LPGAT1: variants seen among roughly 807,000 people sequenced by gnomAD.
LPGAT1 encodes lysophosphatidylglycerol acyltransferase 1, also known as acyl-CoA:lysophosphatidylglycerol acyltransferase 1.
A neutral mutation model predicts 47.5 loss-of-function variants in LPGAT1; 11 were observed. The observed-to-expected ratio is 0.23, with a 90% CI of 0.15 to 0.38. The LOEUF (loss-of-function observed/expected upper bound fraction) is 0.38. LPGAT1 is among the 10% of genes least tolerant of loss of function. The probability of loss-of-function intolerance (pLI) is 1.00; values close to 1 mark genes in which losing one functional copy is unlikely to be tolerated. For missense variants in LPGAT1, 293 were observed against 439.0 expected (o/e 0.67, Z 2.97); for synonymous variants, 138 against 144.2 (o/e 0.96, Z 0.31).
At chr1:211,751,523 G>T (rs111775103) in intron 6 of LPGAT1, among the ~76,000 whole-genome samples, 2 of 152,076 alleles carry the variant, frequency 1.3e-5, no homozygotes, top group African/African-American at 4.8e-5. Context: ...TGCCCAAATC[G>T]GTAATATCAG....
Position 211,787,729 on chromosome 1 carries a change from T to C in LPGAT1, c.358-2A>G. The C allele has an allele frequency of 6.4e-7, 1 of 1,565,264 alleles. No homozygotes were observed. Among genetic ancestry groups the C allele is most frequent in the South Asian group, 1.1e-5 (1 of 87,180 alleles). ...CAACCACATCATCTGAGCAACAACC[T>C]AAAATATTTAAAAGCAAGAAATAAT... is the stretch of plus-strand genomic sequence containing the variant. On this transcript the variant is annotated splice_acceptor_variant, in intron 3 of 7. Transcript: ENST00000366997. LOFTEE classifies it high-confidence loss of function.
intron 6 of LPGAT1, among the ~76,000 whole-genome samples, chr1:211,754,857 T>TA (rs1372897656): frequency 1.3e-5 from 2 of 150,564 alleles, no homozygotes; most frequent in Admixed American, 6.6e-5. Context: ...CTACTAAAAA[T>TA]AAAAAAAATT....
intron 5 of LPGAT1, among the ~76,000 whole-genome samples, chr1:211,781,169 T>A (rs929819237): frequency 6.6e-6 from 1 of 152,242 alleles, no homozygotes; most frequent in African/African-American, 2.4e-5. Flanking sequence ...AGTACACTTA[T>A]AATTTTTCTT....
intron 6 of LPGAT1, among the ~76,000 whole-genome samples, chr1:211,762,268 G>A (rs188478645): frequency 2.4e-4 from 36 of 152,290 alleles, no homozygotes; most frequent in Admixed American, 1.7e-3. Flanking sequence ...GAATTAAACC[G>A]AGGAAGTTTG....
At chr1:211,796,558 A>T (rs1659360628) in intron 2 of LPGAT1, among the ~76,000 whole-genome samples, 1 of 152,206 alleles carries the variant, frequency 6.6e-6, no homozygotes, top group Non-Finnish European at 1.5e-5. Context: ...AAGACTTCTA[A>T]CTTCCAGAAC....
intron 1 of LPGAT1, chr1:211,829,592 A>C: frequency 8.1e-7 from 1 of 1,239,214 alleles, no homozygotes; most frequent in Non-Finnish European, 1.0e-6. Context: ...CCATTCAGTA[A>C]TCGGTGGCCG....
chr1:211,792,998 C>A, intron 3 of LPGAT1, 74 bp downstream of exon 3: 4 of 1,006,964 alleles, frequency 4.0e-6, no homozygotes, highest in Non-Finnish European at 5.9e-6. Context: ...ACATGAGCCA[C>A]CATGCCCGGC....
chr1:211,764,500 A>G (rs1446593209), intron 6 of LPGAT1, among the ~76,000 whole-genome samples: 1 of 152,226 alleles, frequency 6.6e-6, no homozygotes, highest in East Asian at 1.9e-4. Context: ...GTTACAAAAA[A>G]TAGATTTATG....
At chr1:211,816,363 A>G (rs934705442) in intron 2 of LPGAT1, among the ~76,000 whole-genome samples, 1 of 152,246 alleles carries the variant, frequency 6.6e-6, no homozygotes, top group East Asian at 1.9e-4. Flanking sequence ...CCACCAGCAC[A>G]ATATCTGACA....
chr1:211,793,245 C>T (rs1659209574), intron 2 of LPGAT1, 55 bp from the exon 3 acceptor site: 1 of 1,142,090 alleles, frequency 8.8e-7, no homozygotes, highest in African/African-American at 1.5e-5. Context: ...TATATTATCA[C>T]AAACCTTATA....
chr1:211,805,353 T>C (rs1408071896), intron 2 of LPGAT1, among the ~76,000 whole-genome samples: 1 of 152,206 alleles, frequency 6.6e-6, no homozygotes, highest in Non-Finnish European at 1.5e-5. Flanking sequence ...AAGCCTATTT[T>C]ATAATAAAGT....
At chr1:211,754,440 A>C (rs1215206137) in intron 6 of LPGAT1, among the ~76,000 whole-genome samples, 2 of 152,088 alleles carry the variant, frequency 1.3e-5, no homozygotes, top group South Asian at 2.1e-4. Flanking sequence ...ATTGTCTTTC[A>C]GGCTGTTTTC....
At chr1:211,753,140 A>G (rs1657274983) in intron 6 of LPGAT1, among the ~76,000 whole-genome samples, 1 of 152,224 alleles carries the variant, frequency 6.6e-6, no homozygotes, top group African/African-American at 2.4e-5. Flanking sequence ...TCACATTAGG[A>G]GGTCCCTTCA....
intron 6 of LPGAT1, among the ~76,000 whole-genome samples, chr1:211,756,825 C>A (rs577733211): frequency 1.3e-5 from 2 of 151,236 alleles, no homozygotes; most frequent in South Asian, 4.2e-4. Flanking sequence ...GACTCCCTGG[C>A]TGAGATTCCC....
chr1:211,772,262 T>A (rs1305263633), intron 6 of LPGAT1, among the ~76,000 whole-genome samples: 1 of 152,246 alleles, frequency 6.6e-6, no homozygotes, highest in African/African-American at 2.4e-5. Context: ...AATCTAGACC[T>A]GAACTTTCTA....
chr1:211,770,458 A>G (rs1039690328), intron 6 of LPGAT1, among the ~76,000 whole-genome samples: 2 of 152,192 alleles, frequency 1.3e-5, no homozygotes, highest in Non-Finnish European at 2.9e-5. Context: ...GGTTTTAAAT[A>G]CTATTATTGA....
At chr1:211,769,552 AAGT>A (rs939089306) in intron 6 of LPGAT1, among the ~76,000 whole-genome samples, 7 of 152,174 alleles carry the variant, frequency 4.6e-5, no homozygotes, top group African/African-American at 1.7e-4. Context: ...TCTATAAAGA[AAGT>A]AGAGGAATAA....
intron 6 of LPGAT1, among the ~76,000 whole-genome samples, chr1:211,752,785 T>G (rs1031620317): frequency 5.3e-5 from 8 of 152,268 alleles, no homozygotes; most frequent in African/African-American, 1.7e-4. Flanking sequence ...TTTGGAATAC[T>G]GACTTCCAAT....
intron 2 of LPGAT1, among the ~76,000 whole-genome samples, chr1:211,819,584 A>G (rs1336359993): frequency 6.6e-6 from 1 of 152,204 alleles, no homozygotes; most frequent in Non-Finnish European, 1.5e-5. Flanking sequence ...AAGGCATACA[A>G]TCTATGCTGG....
Sources: allele counts gnomAD v4.1 joint callset (sites outside exome capture counted in the v4.1 genomes callset), GRCh38; gene constraint gnomAD v4.1.1; transcripts MANE v1.5; gene names NCBI Gene and HGNC (gene_info 2026-07-23, HGNC 2026-07-21).